The following ANXA8 variants were observed in gnomAD, a reference collection of about 807,000 sequenced individuals.
ANXA8 encodes VAC-beta.
In ANXA8, 9 loss-of-function variants were observed where a neutral mutation model predicts 26.8. The ratio of observed to expected loss-of-function variants is 0.34; its 90% CI spans 0.20 to 0.59. ANXA8 has a LOEUF of 0.59. ANXA8 is among the 20% of genes least tolerant of loss of function. The pLI, the probability that ANXA8 is intolerant of heterozygous loss-of-function variation, is 0.84. For synonymous variants in ANXA8, 39 were observed against 94.8 expected (o/e 0.41, Z 3.42); for missense variants, 83 against 238.5 (o/e 0.35, Z 4.29).
the ANXA8 span, among the ~76,000 whole-genome samples, chr10:47,628,373 A>G: frequency 6.6e-6 from 1 of 151,790 alleles, no homozygotes; most frequent in Non-Finnish European, 1.5e-5. Context: ...AGAAAATTAT[A>G]TATTCAAGAT....
chr10:47,688,603 G>A, the ANXA8 span, among the ~76,000 whole-genome samples: 1 of 150,854 alleles, frequency 6.6e-6, no homozygotes, highest in African/African-American at 2.4e-5. Context: ...TGTATTTTTA[G>A]TAGAGATGGG....
At chr10:47,619,293 A>G in the ANXA8 span, among the ~76,000 whole-genome samples, 2 of 113,330 alleles carry the variant, frequency 1.8e-5, 1 homozygote, top group Admixed American at 1.9e-4. Context: ...GACTACTGGT[A>G]CTGCTAATTT....
the ANXA8 span, among the ~76,000 whole-genome samples, chr10:47,656,265 G>A: frequency 1.3e-5 from 2 of 151,484 alleles, no homozygotes; most frequent in Non-Finnish European, 2.9e-5. Context: ...AGGTATGGTG[G>A]CATGCACCTG....
chr10:47,978,190 G>A, the ANXA8 span, among the ~76,000 whole-genome samples: 1 of 151,964 alleles, frequency 6.6e-6, no homozygotes, highest in Non-Finnish European at 1.5e-5. Context: ...GAAAATGACT[G>A]TCAACCAAGA....
At chr10:47,488,456 C>A (rs1209674082), upstream of ANXA8, among the ~76,000 whole-genome samples, 24 of 149,074 alleles carry the variant, frequency 1.6e-4, no homozygotes, top group Non-Finnish European at 2.4e-4. Flanking sequence ...GGTGGCCCAC[C>A]CGCCTTGGCT....
the ANXA8 span, among the ~76,000 whole-genome samples, chr10:47,566,373 A>C: frequency 2.0e-5 from 3 of 149,036 alleles, no homozygotes; most frequent in Non-Finnish European, 4.5e-5. Context: ...AACTTTTTAC[A>C]CAAGAGAAAG....
chr10:47,587,698 A>G, the ANXA8 span, among the ~76,000 whole-genome samples: 10 of 146,532 alleles, frequency 6.8e-5, 1 homozygote, highest in South Asian at 2.1e-4. Context: ...CAGTTAAAGT[A>G]CTGTACATTT....
the ANXA8 span, among the ~76,000 whole-genome samples, chr10:47,686,929 G>A: frequency 1.7e-4 from 25 of 151,430 alleles, no homozygotes; most frequent in South Asian, 1.0e-3. Flanking sequence ...TGGGGGCGGG[G>A]GGGTTGGTTT....
the ANXA8 span, among the ~76,000 whole-genome samples, chr10:47,939,350 G>A: frequency 1.7e-4 from 23 of 139,138 alleles, 2 homozygotes; most frequent in Admixed American, 1.5e-3. Context: ...CTTGCCATGC[G>A]ATTTGGGTCC....
At chr10:47,525,801 T>A in the ANXA8 span, among the ~76,000 whole-genome samples, 1 of 113,072 alleles carries the variant, frequency 8.8e-6, no homozygotes, top group African/African-American at 3.4e-5. Context: ...TGCTGAACAC[T>A]ATTTTTTTTT....
At chr10:47,979,426 G>GC in the ANXA8 span, among the ~76,000 whole-genome samples, 2 of 151,266 alleles carry the variant, frequency 1.3e-5, no homozygotes, top group African/African-American at 4.8e-5. Context: ...AAGAATAGTG[G>GC]CCCCCAAAGA....
At chr10:47,894,971 A>G in the ANXA8 span, among the ~76,000 whole-genome samples, 2 of 152,126 alleles carry the variant, frequency 1.3e-5, no homozygotes, top group African/African-American at 2.4e-5. Context: ...CACACCACAC[A>G]TACCACACAC....
chr10:47,756,771 C>T, the ANXA8 span, among the ~76,000 whole-genome samples: 2 of 150,600 alleles, frequency 1.3e-5, no homozygotes, highest in East Asian at 4.0e-4. Flanking sequence ...CCTTCTGCAG[C>T]TCCTGTATTC....
chr10:47,772,495 G>A, the ANXA8 span, among the ~76,000 whole-genome samples: 1 of 152,168 alleles, frequency 6.6e-6, no homozygotes, highest in Non-Finnish European at 1.5e-5. Context: ...AAGAAAGTGT[G>A]TATCTGACCT....
At chr10:47,743,095 C>T in the ANXA8 span, among the ~76,000 whole-genome samples, 3 of 139,562 alleles carry the variant, frequency 2.1e-5, no homozygotes, top group East Asian at 2.1e-4. Flanking sequence ...GGCGTGAACC[C>T]GGGAGGCGGA....
chr10:47,721,322 GC>G, the ANXA8 span, among the ~76,000 whole-genome samples: 1 of 140,410 alleles, frequency 7.1e-6, no homozygotes. Context: ...GGGGAGGAGG[GC>G]CTTTGAATCT....
chr10:47,571,378 G>A, the ANXA8 span, among the ~76,000 whole-genome samples: 1 of 147,022 alleles, frequency 6.8e-6, no homozygotes, highest in East Asian at 2.0e-4. Flanking sequence ...GGCCCAGACA[G>A]CTTTGAAGCC....
the ANXA8 span, among the ~76,000 whole-genome samples, chr10:47,980,999 C>T: frequency 6.6e-6 from 1 of 151,228 alleles, no homozygotes; most frequent in Non-Finnish European, 1.5e-5. Flanking sequence ...AAACAAAAGA[C>T]ATTCTAAGAG....
the ANXA8 span, among the ~76,000 whole-genome samples, chr10:47,967,972 CA>C: frequency 1.4e-5 from 2 of 145,500 alleles, no homozygotes. Flanking sequence ...AGCATGGGTG[CA>C]AAAAAAAAAC....
Sources: allele counts gnomAD v4.1 joint callset (sites outside exome capture counted in the v4.1 genomes callset), GRCh38; gene constraint gnomAD v4.1.1; transcripts MANE v1.5; gene names NCBI Gene and HGNC (gene_info 2026-07-23, HGNC 2026-07-21).